Variants in DDAH1 observed in about 807,000 individuals in gnomAD.
The protein encoded by DDAH1 is dimethylarginine dimethylaminohydrolase 1, also known as N(G),N(G)-dimethylarginine dimethylaminohydrolase 1.
In DDAH1, 19 loss-of-function variants were observed where a neutral mutation model predicts 28.8. The observed-to-expected ratio is 0.66, with a 90% CI of 0.46 to 0.97. DDAH1 has a LOEUF of 0.97. Among genes scored for constraint, DDAH1 ranks in the 50% least tolerant of loss-of-function variants. The pLI, the probability that DDAH1 is intolerant of heterozygous loss-of-function variation, is 0.00. For synonymous variants in DDAH1, 153 were observed against 154.4 expected (o/e 0.99, Z 0.07); for missense variants, 326 against 375.9 (o/e 0.87, Z 1.10).
At chr1:85,390,566 G>A (rs1651498102) in intron 1 of DDAH1, among the ~76,000 whole-genome samples, 1 of 152,148 alleles carries the variant, frequency 6.6e-6, no homozygotes, top group Non-Finnish European at 1.5e-5. Flanking sequence ...ACATGGATAT[G>A]CTGGGATGTA....
intron 2 of DDAH1, among the ~76,000 whole-genome samples, chr1:85,489,583 C>T (rs1001875223): frequency 2.2e-4 from 34 of 151,800 alleles, no homozygotes; most frequent in African/African-American, 8.0e-4. Context: ...TTGGTGGTTT[C>T]AAGGAGTATT....
chr1:85,347,467 G>A (rs1648929041), intron 4 of DDAH1, among the ~76,000 whole-genome samples: 2 of 152,122 alleles, frequency 1.3e-5, no homozygotes, highest in South Asian at 4.1e-4. Context: ...TCCTTTGTAG[G>A]GACATGGATG....
intron 1 of DDAH1, among the ~76,000 whole-genome samples, chr1:85,392,982 T>C (rs999888293): frequency 2.6e-5 from 4 of 152,002 alleles, no homozygotes; most frequent in Non-Finnish European, 5.9e-5. Flanking sequence ...TTTCCAAAGG[T>C]CTTTGACATG....
At chr1:85,465,782 C>CCTCCAGT (rs903427876), upstream of DDAH1, among the ~76,000 whole-genome samples, 1 of 152,148 alleles carries the variant, frequency 6.6e-6, no homozygotes, top group Non-Finnish European at 1.5e-5. Context: ...CCCTAAACCC[C>CCTCCAGT]CTCCAGTCCT....
At chr1:85,344,200 G>A (rs550940052) in intron 4 of DDAH1, among the ~76,000 whole-genome samples, 108 of 152,228 alleles carry the variant, frequency 7.1e-4, no homozygotes, top group African/African-American at 2.5e-3. Flanking sequence ...CGTCCTTGTA[G>A]TATTTTTATT....
At chr1:85,343,993 C>T (rs982193129) in intron 4 of DDAH1, among the ~76,000 whole-genome samples, 6 of 152,126 alleles carry the variant, frequency 3.9e-5, no homozygotes, top group Admixed American at 3.9e-4. Flanking sequence ...TGTGTTCATT[C>T]AAGGAATGTT....
At chr1:85,443,459 A>T (rs933124303) in intron 1 of DDAH1, among the ~76,000 whole-genome samples, 1 of 152,136 alleles carries the variant, frequency 6.6e-6, no homozygotes, top group East Asian at 1.9e-4. Context: ...GTCAGGTAGC[A>T]TGATGCCTCC....
At chr1:85,504,813 G>A (rs1030638954) in intron 1 of DDAH1, among the ~76,000 whole-genome samples, 1 of 152,016 alleles carries the variant, frequency 6.6e-6, no homozygotes, top group Non-Finnish European at 1.5e-5. Context: ...TGTTTCCCAG[G>A]GTTGCCTGAT....
intron 1 of DDAH1, among the ~76,000 whole-genome samples, chr1:85,559,258 A>G (rs79768017): frequency 0.02 from 3,040 of 152,270 alleles, 108 homozygotes; most frequent in African/African-American, 0.07. Context: ...GTCACATCTT[A>G]GTAGTAGGAC....
intron 1 of DDAH1, among the ~76,000 whole-genome samples, chr1:85,576,374 T>C (rs1199327412): frequency 6.6e-6 from 1 of 152,180 alleles, no homozygotes; most frequent in Non-Finnish European, 1.5e-5. Context: ...AGCCTACTGA[T>C]GGCAGAGCCA....
intron 1 of DDAH1, among the ~76,000 whole-genome samples, chr1:85,561,939 T>C (rs1362445685): frequency 2.0e-5 from 3 of 152,204 alleles, no homozygotes; most frequent in Non-Finnish European, 2.9e-5. Context: ...CTTTTGCAGT[T>C]TCTTTCTAAG....
At chr1:85,389,668 T>C (rs566845396) in intron 1 of DDAH1, among the ~76,000 whole-genome samples, 98 of 152,314 alleles carry the variant, frequency 6.4e-4, no homozygotes, top group African/African-American at 2.2e-3. Context: ...GCACAGTGCC[T>C]ACCAAACAGG....
chr1:85,491,064 TTTGA>T (rs1656386281), intron 2 of DDAH1, among the ~76,000 whole-genome samples: 1 of 131,016 alleles, frequency 7.6e-6, no homozygotes, highest in African/African-American at 3.2e-5. Flanking sequence ...TTTTTTTTTT[TTTGA>T]GACAGTCTTG....
chr1:85,575,563 T>C (rs1659577826), intron 1 of DDAH1, among the ~76,000 whole-genome samples: 1 of 152,262 alleles, frequency 6.6e-6, no homozygotes, highest in Non-Finnish European at 1.5e-5. Flanking sequence ...TAAGAGCCAG[T>C]ACATTACGCA....
At chr1:85,573,686 A>G (rs980925239) in intron 1 of DDAH1, among the ~76,000 whole-genome samples, 1 of 152,240 alleles carries the variant, frequency 6.6e-6, no homozygotes, top group African/African-American at 2.4e-5. Flanking sequence ...TACATCATCA[A>G]TTCAGGGGGA....
At chr1:85,567,903 C>G (rs1659350675) in intron 1 of DDAH1, among the ~76,000 whole-genome samples, 2 of 152,276 alleles carry the variant, frequency 1.3e-5, no homozygotes, top group African/African-American at 4.8e-5. Flanking sequence ...GCAGACTAGA[C>G]ATTCTTTTCA....
chr1:85,354,678 C>A (rs1649398020), intron 2 of DDAH1, among the ~76,000 whole-genome samples: 1 of 151,936 alleles, frequency 6.6e-6, no homozygotes, highest in South Asian at 2.1e-4. Flanking sequence ...AAAAAAACCT[C>A]ATTACCTTTG....
chr1:85,462,918 T>C (rs1008860673), intron 1 of DDAH1, among the ~76,000 whole-genome samples: 51 of 152,374 alleles, frequency 3.3e-4, no homozygotes, highest in Admixed American at 6.5e-5. Context: ...CCCTGATCCA[T>C]AGTTAAGTGA....
chr1:85,504,902 C>G (rs56195018), intron 1 of DDAH1, among the ~76,000 whole-genome samples: 15,551 of 150,816 alleles, frequency 0.1, 1,038 homozygotes, highest in Admixed American at 0.21. Context: ...CCCACTGAAT[C>G]AGAATTTCCA....
Sources: allele counts gnomAD v4.1 joint callset (sites outside exome capture counted in the v4.1 genomes callset), GRCh38; gene constraint gnomAD v4.1.1; transcripts MANE v1.5; gene names NCBI Gene and HGNC (gene_info 2026-07-23, HGNC 2026-07-21).